MEGF6: variants seen among roughly 807,000 people sequenced by gnomAD.
The protein encoded by MEGF6 is multiple epidermal growth factor-like domains protein 6.
A neutral mutation model predicts 207.1 loss-of-function variants in MEGF6; 184 were observed. That is an observed-to-expected ratio of 0.89 (90% CI 0.79 to 1.00). The LOEUF (loss-of-function observed/expected upper bound fraction) is 1.00, where lower values mean the gene tolerates loss of function less well. Among genes scored for constraint, MEGF6 ranks in the 50% least tolerant of loss-of-function variants. The pLI, the probability that MEGF6 is intolerant of heterozygous loss-of-function variation, is 0.00. For missense variants in MEGF6, 2,282 were observed against 2,202.9 expected (o/e 1.04, Z -0.72); for synonymous variants, 1,038 against 910.0 (o/e 1.14, Z -2.53).
Position 3,594,194 on chromosome 1 carries a change from C to T in MEGF6, c.376+1144G>A, listed in dbSNP as rs181362162. On this transcript the variant is annotated intron_variant, in intron 3 of 36. Coordinates refer to ENST00000356575, the MANE Select transcript of MEGF6 (RefSeq NM_001409.4). This position sits in a 1 kb window ranked among gnomAD's most constrained non-coding sequence, Gnocchi z 4.2. ...CTGTAATCCCAGCACTTTGGAAGGC[C>T]GAGGTGGAAGGATCGCTTGAGCCTA... Among the ~76,000 whole-genome samples the T allele has an allele frequency of 2.6e-5, 4 of 152,150 alleles. No individual in the cohort carries two copies. Among genetic ancestry groups the T allele is most frequent in the African/African-American group, 9.7e-5 (4 of 41,426 alleles).
At chr1:3,597,287 G>T (rs1397065747) in intron 2 of MEGF6, among the ~76,000 whole-genome samples, 1 of 152,024 alleles carries the variant, frequency 6.6e-6, no homozygotes, top group Non-Finnish European at 1.5e-5. Flanking sequence ...CCCAGGATCC[G>T]CCTGCCCACC....
intron 29 of MEGF6, among the ~76,000 whole-genome samples, chr1:3,496,372 T>C (rs1290002212): frequency 6.6e-6 from 1 of 152,234 alleles, no homozygotes; most frequent in East Asian, 1.9e-4. Flanking sequence ...CCTCTGTGCC[T>C]GGCTGTGCTC....
chr1:3,524,347 CGTGCCTCGAGG>C (rs1641881436), intron 4 of MEGF6, 101 bp from the exon 5 acceptor site: 1 of 1,492,272 alleles, frequency 6.7e-7, no homozygotes, highest in Non-Finnish European at 9.1e-7. Flanking sequence ...AGGTCCCTCC[CGTGCCTCGAGG>C]GCACCACCCA....
intron 26 of MEGF6, 94 bp downstream of exon 26, chr1:3,498,277 C>A: frequency 6.9e-7 from 1 of 1,444,086 alleles, no homozygotes; most frequent in Non-Finnish European, 9.2e-7. Context: ...TGGTGAGGCC[C>A]CAAACCGGGC....
Position 3,497,293 on chromosome 1 carries a change from G to A in MEGF6, c.3421C>T (p.His1141Tyr), listed in dbSNP as rs1329209653. The A allele has an allele frequency of 1.3e-6, 2 of 1,550,574 alleles. No homozygotes were observed. Among genetic ancestry groups the A allele is most frequent in the South Asian group, 1.2e-5 (1 of 82,156 alleles). Residue 1141 changes from histidine to tyrosine, a missense_variant, in exon 27 of 37, where the codon CAC becomes TAC. Transcript: ENST00000356575. ...CAGCGGCAGGCCCCAGTGACGTGGT[G>A]GCAGGCAGCGCCAGGCGGGCAGCTG... The part of the protein sequence containing the change: ...RCSCPPGAAC[H>Y]HVTGACRCPP...
At chr1:3,504,000 T>A (rs1190710039) in intron 17 of MEGF6, among the ~76,000 whole-genome samples, 1 of 152,002 alleles carries the variant, frequency 6.6e-6, no homozygotes, top group African/African-American at 2.4e-5. Flanking sequence ...GGTCCTTGGG[T>A]GGACGTTGCT....
At chr1:3,503,099 C>A (rs1330978926) in intron 17 of MEGF6, among the ~76,000 whole-genome samples, 2 of 152,118 alleles carry the variant, frequency 1.3e-5, no homozygotes, top group African/African-American at 4.8e-5. Flanking sequence ...GGAGGAGCAC[C>A]GGTAATACAG....
intron 2 of MEGF6, among the ~76,000 whole-genome samples, chr1:3,599,996 G>T (rs374959436): frequency 6.6e-6 from 1 of 152,156 alleles, no homozygotes; most frequent in African/African-American, 2.4e-5. Flanking sequence ...TGGAACCAGC[G>T]ATGAAACCAC....
At chr1:3,571,512 C>G (rs1263237718) in intron 4 of MEGF6, among the ~76,000 whole-genome samples, 1 of 151,748 alleles carries the variant, frequency 6.6e-6, no homozygotes. Flanking sequence ...GAGCAAGGTT[C>G]CTGGGTGAGG....
At chr1:3,510,424 C>T (rs775126150) in intron 10 of MEGF6, among the ~76,000 whole-genome samples, 3 of 151,700 alleles carry the variant, frequency 2.0e-5, no homozygotes, top group Non-Finnish European at 4.4e-5. Context: ...GCTCAACCAA[C>T]ACCCATAGCC....
At chr1:3,617,781 G>A in the MEGF6 span, among the ~76,000 whole-genome samples, 26 of 152,396 alleles carry the variant, frequency 1.7e-4, no homozygotes, top group East Asian at 5.0e-3. Flanking sequence ...AGAGAAAGCA[G>A]AGGGAGATTT....
chr1:3,605,870 C>T (rs1298614147), intron 1 of MEGF6, among the ~76,000 whole-genome samples: 1 of 152,224 alleles, frequency 6.6e-6, no homozygotes, highest in Non-Finnish European at 1.5e-5. Flanking sequence ...TGCCCACTCT[C>T]TCCAGGTTCC....
chr1:3,551,689 C>T (rs1449577258), intron 4 of MEGF6, among the ~76,000 whole-genome samples: 1 of 152,154 alleles, frequency 6.6e-6, no homozygotes, highest in East Asian at 1.9e-4. Flanking sequence ...CCCACACACC[C>T]CTCTGCCCAG....
upstream of MEGF6, among the ~76,000 whole-genome samples, chr1:3,612,627 T>A (rs890203452): frequency 6.6e-6 from 1 of 152,134 alleles, no homozygotes; most frequent in Admixed American, 6.5e-5. Context: ...GCGCTGACCA[T>A]CAGCTCAGCC....
chr1:3,587,909 G>A (rs1463397208), intron 3 of MEGF6, among the ~76,000 whole-genome samples: 4 of 63,448 alleles, frequency 6.3e-5, no homozygotes, highest in Non-Finnish European at 6.6e-5. Flanking sequence ...GGAGTGGCCA[G>A]GAGGGGGCAG....
chr1:3,502,834 A>G (rs1433670037), intron 17 of MEGF6, among the ~76,000 whole-genome samples: 2 of 152,118 alleles, frequency 1.3e-5, no homozygotes, highest in South Asian at 2.1e-4. Context: ...TGGCCTCTCC[A>G]GTGAGGACAA....
rs1640222511 is a variant in MEGF6, at chr1:3,488,353, G to A, written c.*2175C>T. On this transcript the variant is annotated 3_prime_UTR_variant, in exon 37 of 37. Transcript: ENST00000356575. Reference sequence around the variant, plus strand: ...TCTTCACTGAGCGGGATGAGTGATTGGTACCTGCCAGGCCCCCCGTCCACA... The same window carrying A: ...TCTTCACTGAGCGGGATGAGTGATTAGTACCTGCCAGGCCCCCCGTCCACA... Among the ~76,000 whole-genome samples the A allele has an allele frequency of 6.6e-6, 1 of 152,204 alleles. No homozygotes were observed. The highest frequency in any genetic ancestry group is 1.5e-5 in the Non-Finnish European group (1 of 68,038).
rs140661336 is a variant in MEGF6 at position 3,540,679 on chromosome 1, A to G, written c.482-16433T>C. Among the ~76,000 whole-genome samples the G allele has an allele frequency of 3.1e-3, 474 of 152,362 alleles. 3 individuals are homozygous for G. Among genetic ancestry groups the G allele is most frequent in the African/African-American group, 0.011 (454 of 41,586 alleles). On this transcript the variant is annotated intron_variant, in intron 4 of 36. Coordinates refer to ENST00000356575, the MANE Select transcript of MEGF6 (RefSeq NM_001409.4). ...GTCCAAGATCCAGGCACGGCAGACC[A>G]GCCCTCTGGATCCTCCAGGGCAGCT...
chr1:3,524,603 C>T (rs970708692), intron 4 of MEGF6, among the ~76,000 whole-genome samples: 6 of 152,214 alleles, frequency 3.9e-5, no homozygotes, highest in Non-Finnish European at 7.3e-5. Flanking sequence ...GCGGTGTCAA[C>T]CGCTCCACCA....
Sources: gnomAD v4.1 joint callset for allele counts (sites outside exome capture counted in the v4.1 genomes callset) on GRCh38, gnomAD v4.1.1 for gene constraint, Gnocchi (gnomAD v3.1) non-coding constraint, MANE v1.5 for transcripts, NCBI Gene and HGNC (gene_info 2026-07-23, HGNC 2026-07-21) for gene names.